FOXQ1: variants seen among roughly 807,000 people sequenced by gnomAD.
The protein encoded by FOXQ1 is forkhead box protein Q1.
In FOXQ1, 1 loss-of-function variant was observed where a neutral mutation model predicts 0.6. The ratio of observed to expected loss-of-function variants is 1.73; its 90% CI spans 0.61 to 8.20. The LOEUF (loss-of-function observed/expected upper bound fraction) is 8.20. Ranked by LOEUF, FOXQ1 falls within the 30% of genes most tolerant of loss-of-function variation. The pLI, the probability that FOXQ1 is intolerant of heterozygous loss-of-function variation, is 0.13. For synonymous variants in FOXQ1, 377 were observed against 294.4 expected (o/e 1.28, Z -2.87); for missense variants, 734 against 595.6 (o/e 1.23, Z -2.42).
Position 1,313,751 on chromosome 6 carries a change from G to T in FOXQ1, c.1047G>T (p.Leu349=). The T allele has an allele frequency of 1.6e-6, 2 of 1,212,806 alleles. No homozygotes were observed. The highest frequency in any genetic ancestry group is 2.0e-6 in the Non-Finnish European group (2 of 979,480). The allele number at this position is 1,212,806 out of a possible 1,614,324, so 75.1% of individuals were successfully genotyped here. ...TGCCACCGACCGCGCCGCCCCTCCT[G>T]CTTGCACCTCTCCCGGCGGCGGCCC... is the stretch of plus-strand genomic sequence containing the variant. The part of the protein sequence containing the change: ...AEVPPTAPPL[L]LAPLPAAAPA... Residue 349 remains leucine (L), a synonymous_variant, in exon 1 of 1, where the codon CTG becomes CTT. Transcript: ENST00000296839. This position sits in a 1 kb window ranked among gnomAD's most constrained non-coding sequence, Gnocchi z 5.2.
chr6:1,313,591 A>C lies in FOXQ1; in HGVS notation c.887A>C (p.Gln296Pro). The change falls in exon 1 of 1, where the codon CAG becomes CCG. Residue 296 changes from glutamine (Q) to proline (P), a missense_variant. Gln to Pro is a moderately conservative substitution (Grantham distance 76). Transcript: ENST00000296839. The surrounding 1 kb of genome is among the most constrained non-coding windows in gnomAD (Gnocchi z 5.2). Reference protein sequence around the residue: ...LRDTAPGTTLQWGAAPCPPLP... With the variant: ...LRDTAPGTTLPWGAAPCPPLP... ...GACACGGCCCCCGGGACGACGCTTC[A>C]GTGGGGCGCCGCGCCCTGCCCGCCG... is the stretch of plus-strand genomic sequence containing the variant. The C allele has an allele frequency of 1.7e-6, 2 of 1,162,064 alleles. No homozygotes were observed. The highest frequency in any genetic ancestry group is 4.1e-5 in the South Asian group (2 of 48,536). The allele number at this position is 1,162,064 out of a possible 1,614,324, so 72.0% of individuals were successfully genotyped here.
In FOXQ1 at chr6:1,313,699, C is replaced by T. The variant is rs1443187235; in HGVS notation, c.995C>T (p.Ala332Val). 3 of 1,051,550 alleles carry T rather than the reference C, an allele frequency of 2.9e-6. No homozygotes were observed. Among genetic ancestry groups the T allele is most frequent in the Non-Finnish European group, 3.4e-6 (3 of 875,158 alleles). The allele number at this position is 1,051,550 out of a possible 1,614,324, so 65.1% of individuals were successfully genotyped here. ...TGCGCGTACGGCGCGGGCGAGCCGG[C>T]GCGGCTGGGCGCGCGCGAGGCCGAG... Reference protein sequence around the residue: ...PLCAYGAGEPARLGAREAEVP... With the variant: ...PLCAYGAGEPVRLGAREAEVP... Residue 332 changes from alanine (A) to valine (V), a missense_variant, in exon 1 of 1, where the codon GCG (alanine) becomes GTG (valine). Transcript: ENST00000296839. This position sits in a 1 kb window ranked among gnomAD's most constrained non-coding sequence, Gnocchi z 5.2.
chr6:1,312,729 C>T lies in FOXQ1; in HGVS notation c.25C>T (p.Arg9Cys), dbSNP rs1480475353. 20 of 1,355,438 alleles carry T rather than the reference C, an allele frequency of 1.5e-5. No individual in the cohort carries two copies. Among genetic ancestry groups the T allele is most frequent in the Non-Finnish European group, 1.8e-5 (19 of 1,057,074 alleles). 84.0% of individuals were successfully genotyped at this position (1,355,438 alleles called of 1,614,324 possible). The change falls in exon 1 of 1, where the codon CGC (arginine) becomes TGC (cysteine). Residue 9 changes from arginine to cysteine, a missense_variant. By Grantham distance (180) the Arg-to-Cys change is radical. Transcript: ENST00000296839. MKLEVFVPRAAHGDKQGSD... is the reference protein window; with the variant it reads MKLEVFVPCAAHGDKQGSD... ...CATGAAGTTGGAGGTGTTCGTCCCT[C>T]GCGCGGCCCACGGGGACAAGCAGGG... is the stretch of plus-strand genomic sequence containing the variant.
At position 1,313,015 on chromosome 6, in the gene FOXQ1, G is replaced by T; in HGVS notation, c.311G>T (p.Gly104Val). 1 of 1,413,484 alleles carries T rather than the reference G, an allele frequency of 7.1e-7. No individual in the cohort carries two copies. Among genetic ancestry groups the T allele is most frequent in the Admixed American group, 2.8e-5 (1 of 36,154 alleles). The allele number at this position is 1,413,484 out of a possible 1,614,324, so 87.6% of individuals were successfully genotyped here. ...GAAGPGAGGA[G>V]SGEGARSKPY... ...GCGGGGCCAGGCGCGGGCGGCGCGGGGAGCGGCGAGGGTGCACGCAGCAAG... is the reference window on the plus strand; with the variant it reads ...GCGGGGCCAGGCGCGGGCGGCGCGGTGAGCGGCGAGGGTGCACGCAGCAAG... The change falls in exon 1 of 1, where the codon GGG becomes GTG. Residue 104 changes from glycine to valine, a missense_variant. Transcript: ENST00000296839. The surrounding 1 kb of genome is among the most constrained non-coding windows in gnomAD (Gnocchi z 5.2).
At position 1,314,148 on chromosome 6, in the gene FOXQ1, C is replaced by T. The variant is rs1024408104; in HGVS notation, c.*232C>T. 34 of 529,334 alleles carry T rather than the reference C, an allele frequency of 6.4e-5. No individual in the cohort carries two copies. Among genetic ancestry groups the T allele is most frequent in the Non-Finnish European group, 9.0e-5 (32 of 355,060 alleles). 32.8% of individuals were successfully genotyped at this position (529,334 alleles called of 1,614,324 possible). The stretch of plus-strand genomic sequence containing the variant: ...ACCAAAGCAATTCTTGTTTTAGTTT[C>T]TTTGCGAAGCCTGCTCCTCCTTCCC... On this transcript the variant is annotated 3_prime_UTR_variant, in exon 1 of 1. Coordinates refer to ENST00000296839, the MANE Select transcript of FOXQ1 (RefSeq NM_033260.4).
chr6:1,313,130 G>A lies in FOXQ1; in HGVS notation c.426G>A (p.Leu142=). The part of the protein sequence containing the change: ...IRDSAGGRLT[L]AEINEYLMGK... ...ACTCGGCGGGCGGGCGCTTGACGCT[G>A]GCGGAGATCAACGAGTACCTCATGG... is the stretch of plus-strand genomic sequence containing the variant. The change falls in exon 1 of 1, where the codon CTG becomes CTA. Residue 142 remains leucine, a synonymous_variant. Transcript: ENST00000296839. The surrounding 1 kb of genome is among the most constrained non-coding windows in gnomAD (Gnocchi z 5.2). 2 of 1,607,938 alleles carry A rather than the reference G, an allele frequency of 1.2e-6. No homozygotes were observed. The highest frequency in any genetic ancestry group is 1.1e-5 in the South Asian group (1 of 90,910).
In FOXQ1 at chr6:1,313,510, G is replaced by A; in HGVS notation, c.806G>A (p.Ser269Asn). ...ERASPAGKFS[S>N]SFAIDSILRK... The stretch of plus-strand genomic sequence containing the variant: ...GCCAGCCCCGCGGGCAAGTTCTCCA[G>A]CTCCTTCGCCATCGACAGCATCCTG... The change falls in exon 1 of 1, where the codon AGC (serine) becomes AAC (asparagine). Residue 269 changes from serine to asparagine, a missense_variant. Coordinates refer to ENST00000296839, the MANE Select transcript of FOXQ1 (RefSeq NM_033260.4). This position sits in a 1 kb window ranked among gnomAD's most constrained non-coding sequence, Gnocchi z 5.2. 8.1e-7 allele frequency: 1 copy of A among 1,242,146 alleles called. No homozygotes were observed. Among genetic ancestry groups the A allele is most frequent in the Non-Finnish European group, 1.0e-6 (1 of 970,268 alleles). 76.9% of individuals were successfully genotyped at this position (1,242,146 alleles called of 1,614,324 possible). A position where few individuals can be genotyped will look rare whatever the true frequency, so the allele number is the denominator to read the frequency against.
Position 1,313,420 on chromosome 6 carries a change from C to A in FOXQ1, c.716C>A (p.Pro239Gln). 2 of 1,004,876 alleles carry A rather than the reference C, an allele frequency of 2.0e-6. No homozygotes were observed. The highest frequency in any genetic ancestry group is 2.4e-6 in the Non-Finnish European group (2 of 845,090). 62.2% of individuals were successfully genotyped at this position (1,004,876 alleles called of 1,614,324 possible). Residue 239 changes from proline (P) to glutamine (Q), a missense_variant, in exon 1 of 1, where the codon CCG becomes CAG. Physicochemically the swap from Pro to Gln is moderately conservative, Grantham distance 76 (BLOSUM62 -1). Transcript: ENST00000296839. This position sits in a 1 kb window ranked among gnomAD's most constrained non-coding sequence, Gnocchi z 5.2. Reference sequence around the variant, plus strand: ...GAGGCCCCGGGCCTCCCCGCCGCCCCGCCGCCCGCGCCCGCCGCCCCGGCC... The same window carrying A: ...GAGGCCCCGGGCCTCCCCGCCGCCCAGCCGCCCGCGCCCGCCGCCCCGGCC... ...PEEAPGLPAA[P>Q]PPAPAAPASP...
Position 1,313,478 on chromosome 6 carries a change from G to A in FOXQ1, c.774G>A (p.Glu258=). The change falls in exon 1 of 1, where the codon GAG becomes GAA. Residue 258 remains glutamate, a synonymous_variant. Transcript: ENST00000296839. The surrounding 1 kb of genome is among the most constrained non-coding windows in gnomAD (Gnocchi z 5.2). ...SPRMRSPARQ[E]ERASPAGKFS... Reference sequence around the variant, plus strand: ...GCATGCGCTCGCCCGCCCGCCAGGAGGAGCGCGCCAGCCCCGCGGGCAAGT... The same window carrying A: ...GCATGCGCTCGCCCGCCCGCCAGGAAGAGCGCGCCAGCCCCGCGGGCAAGT... 8.8e-7 allele frequency: 1 copy of A among 1,130,722 alleles called. No homozygotes were observed. The highest frequency in any genetic ancestry group is 1.1e-6 in the Non-Finnish European group (1 of 914,364). The allele number at this position is 1,130,722 out of a possible 1,614,324, so 70.0% of individuals were successfully genotyped here.
Position 1,312,375 on chromosome 6 carries a change from T to C in FOXQ1, c.-330T>C, listed in dbSNP as rs1757560590. On this transcript the variant is annotated 5_prime_UTR_variant, in exon 1 of 1. The change abolishes the stop of an existing upstream ORF in the 5' untranslated region. Transcript: ENST00000296839. Reference sequence around the variant, plus strand: ...GCTTCTCTCCGGCAGGAAAGCCTTCTAAGCCCGGCGTGCTCGGGCACCCGA... The same window carrying C: ...GCTTCTCTCCGGCAGGAAAGCCTTCCAAGCCCGGCGTGCTCGGGCACCCGA... The C allele has an allele frequency of 3.9e-6, 1 of 257,234 alleles. No homozygotes were observed. Among genetic ancestry groups the C allele is most frequent in the Non-Finnish European group, 7.4e-6 (1 of 135,924 alleles). The allele number at this position is 257,234 out of a possible 1,614,324, so 15.9% of individuals were successfully genotyped here.
rs188062036 is a variant in FOXQ1, at chr6:1,312,122, G to C, written c.-583G>C. Among the ~76,000 whole-genome samples the C allele has an allele frequency of 5.2e-3, 785 of 152,320 alleles. 8 individuals are homozygous for C. The highest frequency in any genetic ancestry group is 0.018 in the African/African-American group (748 of 41,588). On this transcript the variant is annotated 5_prime_UTR_variant, in exon 1 of 1. Coordinates refer to ENST00000296839, the MANE Select transcript of FOXQ1 (RefSeq NM_033260.4). ...CGAGACGCAGCCGCGGCAGGCCAGCGGGGAGATGCTGCCCCGGAGGCTGGG... is the reference window on the plus strand; with the variant it reads ...CGAGACGCAGCCGCGGCAGGCCAGCCGGGAGATGCTGCCCCGGAGGCTGGG...
Position 1,313,746 on chromosome 6 carries a change from C to T in FOXQ1, c.1042C>T (p.Leu348Phe). The change falls in exon 1 of 1, where the codon CTC becomes TTC. Residue 348 changes from leucine (L) to phenylalanine (F), a missense_variant. Physicochemically the swap from Leu to Phe is conservative, Grantham distance 22 (BLOSUM62 0). Transcript: ENST00000296839. The surrounding 1 kb of genome is among the most constrained non-coding windows in gnomAD (Gnocchi z 5.2). ...EAEVPPTAPP[L>F]LLAPLPAAAP... ...CGAGGTGCCACCGACCGCGCCGCCCCTCCTGCTTGCACCTCTCCCGGCGGC... is the reference window on the plus strand; with the variant it reads ...CGAGGTGCCACCGACCGCGCCGCCCTTCCTGCTTGCACCTCTCCCGGCGGC... 2 of 1,191,086 alleles carry T rather than the reference C, an allele frequency of 1.7e-6. No individual in the cohort carries two copies. Among genetic ancestry groups the T allele is most frequent in the East Asian group, 3.6e-5 (1 of 27,442 alleles). 73.8% of individuals were successfully genotyped at this position (1,191,086 alleles called of 1,614,324 possible).
chr6:1,313,221 C>A lies in FOXQ1; in HGVS notation c.517C>A (p.Leu173Ile). The A allele has an allele frequency of 6.2e-7, 1 of 1,609,948 alleles. No homozygotes were observed. Among genetic ancestry groups the A allele is most frequent in the Non-Finnish European group, 8.5e-7 (1 of 1,178,604 alleles). The change falls in exon 1 of 1, where the codon CTC (leucine) becomes ATC (isoleucine). Residue 173 changes from leucine (L) to isoleucine (I), a missense_variant. Coordinates refer to ENST00000296839, the MANE Select transcript of FOXQ1 (RefSeq NM_033260.4). The surrounding 1 kb of genome is among the most constrained non-coding windows in gnomAD (Gnocchi z 5.2). Reference sequence around the variant, plus strand: ...CAACTCCGTGCGCCACAACCTTTCGCTCAACGACTGCTTCGTCAAGGTGCT... The same window carrying A: ...CAACTCCGTGCGCCACAACCTTTCGATCAACGACTGCTTCGTCAAGGTGCT... ...WRNSVRHNLS[L>I]NDCFVKVLRD... is the part of the protein sequence containing the mutation.
Position 1,313,753 on chromosome 6 carries a change from T to G in FOXQ1, c.1049T>G (p.Leu350Arg), listed in dbSNP as rs1311772679. The change falls in exon 1 of 1, where the codon CTT (leucine) becomes CGT (arginine). Residue 350 changes from leucine (L) to arginine (R), a missense_variant. Transcript: ENST00000296839. This position sits in a 1 kb window ranked among gnomAD's most constrained non-coding sequence, Gnocchi z 5.2. ...EVPPTAPPLLLAPLPAAAPAK... is the reference protein window; with the variant it reads ...EVPPTAPPLLRAPLPAAAPAK... ...CCACCGACCGCGCCGCCCCTCCTGCTTGCACCTCTCCCGGCGGCGGCCCCC... is the reference window on the plus strand; with the variant it reads ...CCACCGACCGCGCCGCCCCTCCTGCGTGCACCTCTCCCGGCGGCGGCCCCC... 17 of 1,216,724 alleles carry G rather than the reference T, an allele frequency of 1.4e-5. No individual in the cohort carries two copies. Among genetic ancestry groups the G allele is most frequent in the Non-Finnish European group, 1.6e-5 (16 of 981,400 alleles). The allele number at this position is 1,216,724 out of a possible 1,614,324, so 75.4% of individuals were successfully genotyped here.
rs1757601139 is a variant in FOXQ1 at position 1,313,991 on chromosome 6, T to C, written c.*75T>C. 1.7e-6 allele frequency: 2 copies of C among 1,209,356 alleles called. No individual in the cohort carries two copies. Among genetic ancestry groups the C allele is most frequent in the African/African-American group, 1.6e-5 (1 of 63,198 alleles). The allele number at this position is 1,209,356 out of a possible 1,614,324, so 74.9% of individuals were successfully genotyped here. The stretch of plus-strand genomic sequence containing the variant: ...GGAACGCGGGCCCGCGCGCGGACTT[T>C]GCACTTTGAATCCAGAGGAAGATGA... On this transcript the variant is annotated 3_prime_UTR_variant, in exon 1 of 1. Transcript: ENST00000296839. This position sits in a 1 kb window ranked among gnomAD's most constrained non-coding sequence, Gnocchi z 5.2.
Position 1,312,514 on chromosome 6 carries a change from C to T in FOXQ1, c.-191C>T. 4 of 878,288 alleles carry T rather than the reference C, an allele frequency of 4.6e-6. No homozygotes were observed. The highest frequency in any genetic ancestry group is 6.0e-6 in the Non-Finnish European group (4 of 663,622). 54.4% of individuals were successfully genotyped at this position (878,288 alleles called of 1,614,324 possible). ...CCATAGTCCACCCAACACTTGCAGC[C>T]CCTCCAGAGAAAAAGCCCAGCGGAA... On this transcript the variant is annotated 5_prime_UTR_variant, in exon 1 of 1. Coordinates refer to ENST00000296839, the MANE Select transcript of FOXQ1 (RefSeq NM_033260.4).
chr6:1,313,577 C>G lies in FOXQ1; in HGVS notation c.873C>G (p.Pro291=). 4 of 1,205,628 alleles carry G rather than the reference C, an allele frequency of 3.3e-6. No homozygotes were observed. The highest frequency in any genetic ancestry group is 3.5e-5 in the Admixed American group (1 of 28,256). 74.7% of individuals were successfully genotyped at this position (1,205,628 alleles called of 1,614,324 possible). Residue 291 remains proline, a synonymous_variant, in exon 1 of 1, where the codon CCC becomes CCG. Coordinates refer to ENST00000296839, the MANE Select transcript of FOXQ1 (RefSeq NM_033260.4). This position sits in a 1 kb window ranked among gnomAD's most constrained non-coding sequence, Gnocchi z 5.2. ...GCCGCCGCCTCAGGGACACGGCCCC[C>G]GGGACGACGCTTCAGTGGGGCGCCG... is the stretch of plus-strand genomic sequence containing the variant. ...FRSRRLRDTA[P]GTTLQWGAAP...
rs1757564953 is a variant in FOXQ1 at position 1,312,626 on chromosome 6, T to C, written c.-79T>C. The C allele has an allele frequency of 1.6e-6, 2 of 1,272,848 alleles. No individual in the cohort carries two copies. The highest frequency in any genetic ancestry group is 2.7e-5 in the South Asian group (1 of 37,350). 78.8% of individuals were successfully genotyped at this position (1,272,848 alleles called of 1,614,324 possible). A position where few individuals can be genotyped will look rare whatever the true frequency, so the allele number is the denominator to read the frequency against. ...GAAGATCCCCGGCCCCGGATCGCCA[T>C]CCCCTTCCCTGGCACCAGCTTCTCT... On this transcript the variant is annotated 5_prime_UTR_variant, in exon 1 of 1. Coordinates refer to ENST00000296839, the MANE Select transcript of FOXQ1 (RefSeq NM_033260.4).
At position 1,312,616 on chromosome 6, in the gene FOXQ1, C is replaced by G. The variant is rs1330050995; in HGVS notation, c.-89C>G. On this transcript the variant is annotated 5_prime_UTR_variant, in exon 1 of 1. Coordinates refer to ENST00000296839, the MANE Select transcript of FOXQ1 (RefSeq NM_033260.4). ...AGAAAAAGGCGAAGATCCCCGGCCC[C>G]GGATCGCCATCCCCTTCCCTGGCAC... is the stretch of plus-strand genomic sequence containing the variant. 2.4e-6 allele frequency: 3 copies of G among 1,262,928 alleles called. No individual in the cohort carries two copies. The highest frequency in any genetic ancestry group is 1.5e-5 in the African/African-American group (1 of 64,540). 78.2% of individuals were successfully genotyped at this position (1,262,928 alleles called of 1,614,324 possible). A position where few individuals can be genotyped will look rare whatever the true frequency, so the allele number is the denominator to read the frequency against.
Sources: gnomAD v4.1 joint callset for allele counts (sites outside exome capture counted in the v4.1 genomes callset) on GRCh38, gnomAD v4.1.1 for gene constraint, Gnocchi (gnomAD v3.1) non-coding constraint, MANE v1.5 for transcripts, NCBI Gene and HGNC (gene_info 2026-07-23, HGNC 2026-07-21) for gene names.